The following COL23A1 variants were observed in gnomAD, a reference collection of about 807,000 sequenced individuals.
COL23A1 encodes the protein collagen alpha-1(XXIII) chain.
A neutral mutation model predicts 99.3 loss-of-function variants in COL23A1; 97 were observed. The observed-to-expected ratio is 0.98, with a 90% CI of 0.83 to 1.16. COL23A1 has a LOEUF of 1.16. Among genes scored for constraint, COL23A1 ranks in the 50% most tolerant of loss-of-function variants. The pLI is 0.00. For synonymous variants in COL23A1, 320 were observed against 308.2 expected (o/e 1.04, Z -0.40); for missense variants, 762 against 757.4 (o/e 1.01, Z -0.07).
chr5:178,516,651 A>G (rs1054982173), intron 2 of COL23A1, among the ~76,000 whole-genome samples: 1 of 152,170 alleles, frequency 6.6e-6, no homozygotes, highest in African/African-American at 2.4e-5. Flanking sequence ...ACTAGAGAAG[A>G]TGTGCATTTA....
At chr5:178,453,104 C>T (rs906556414) in intron 2 of COL23A1, among the ~76,000 whole-genome samples, 1 of 152,046 alleles carries the variant, frequency 6.6e-6, no homozygotes, top group Non-Finnish European at 1.5e-5. Flanking sequence ...TCTTTAGAGA[C>T]ACAGGGAAAG....
chr5:178,298,873 T>TA (rs1362418138), intron 3 of COL23A1, among the ~76,000 whole-genome samples: 2 of 152,244 alleles, frequency 1.3e-5, no homozygotes, highest in East Asian at 3.8e-4. Flanking sequence ...GTCAGTTTTT[T>TA]AAAATAAAGA....
chr5:178,284,123 T>C (rs1177536019), intron 5 of COL23A1, among the ~76,000 whole-genome samples: 2 of 152,220 alleles, frequency 1.3e-5, no homozygotes, highest in African/African-American at 4.8e-5. Context: ...CAACTTTTGA[T>C]CCACAATGTT....
chr5:178,249,295 A>AAGTG (rs1172593881), intron 18 of COL23A1, 89 bp from the exon 19 acceptor site: 24 of 1,271,470 alleles, frequency 1.9e-5, no homozygotes, highest in Middle Eastern at 1.9e-4. Flanking sequence ...AGTTCATGCT[A>AAGTG]GGGCCCCACT....
intron 3 of COL23A1, among the ~76,000 whole-genome samples, chr5:178,304,591 C>T (rs1253573200): frequency 6.6e-6 from 1 of 150,684 alleles, no homozygotes; most frequent in African/African-American, 2.5e-5. Flanking sequence ...CAAGGGAAGG[C>T]ATGAAAGCCA....
At chr5:178,569,999 C>T (rs1763008972) in intron 1 of COL23A1, among the ~76,000 whole-genome samples, 1 of 152,110 alleles carries the variant, frequency 6.6e-6, no homozygotes, top group African/African-American at 2.4e-5. Context: ...ATACCCTCTC[C>T]ATACTGGAGA....
intron 1 of COL23A1, among the ~76,000 whole-genome samples, chr5:178,571,897 G>A (rs546738268): frequency 2.4e-4 from 36 of 151,976 alleles, no homozygotes; most frequent in Middle Eastern, 3.4e-3. Flanking sequence ...GTGAAACCCC[G>A]TCTCTACTAA....
At chr5:178,406,498 C>T (rs1308158059) in intron 2 of COL23A1, among the ~76,000 whole-genome samples, 7 of 149,904 alleles carry the variant, frequency 4.7e-5, no homozygotes, top group Non-Finnish European at 1.0e-4. Context: ...GGCGACATCT[C>T]GGCTCACTGC....
chr5:178,315,104 C>T (rs1305405761), intron 2 of COL23A1, among the ~76,000 whole-genome samples: 7 of 152,144 alleles, frequency 4.6e-5, no homozygotes, highest in Admixed American at 6.5e-5. Flanking sequence ...CTTGTGCCAT[C>T]CAAAATGCCT....
intron 5 of COL23A1, 95 bp from the exon 6 acceptor site, chr5:178,270,458 C>T: frequency 2.0e-6 from 3 of 1,487,276 alleles, no homozygotes; most frequent in Non-Finnish European, 2.8e-6. Context: ...GACAAGAAAA[C>T]AAAGCCTGTG....
chr5:178,302,421 C>T (rs1031327938), intron 3 of COL23A1, among the ~76,000 whole-genome samples: 159 of 95,472 alleles, frequency 1.7e-3, no homozygotes, highest in African/African-American at 6.6e-3. Context: ...CCTGTGTGTG[C>T]GCCGGAGCAC....
intron 2 of COL23A1, among the ~76,000 whole-genome samples, chr5:178,551,766 G>T (rs559627730): frequency 6.6e-6 from 1 of 152,302 alleles, no homozygotes; most frequent in South Asian, 2.1e-4. Flanking sequence ...CACCCCCTCA[G>T]GGGCCCCTCT....
rs114954301 is a variant in COL23A1 at position 178,478,186 on chromosome 5, C to T, written c.361+82496G>A. The stretch of plus-strand genomic sequence containing the variant: ...GAGCATTAAAGATGAAAGCCCCTTC[C>T]GAGCTCTGTACAGGAGATTGATGTG... On this transcript the variant is annotated intron_variant, in intron 2 of 28. Transcript: ENST00000390654. Among the ~76,000 whole-genome samples, 484 of 152,308 alleles carry T rather than the reference C, an allele frequency of 3.2e-3. 3 individuals are homozygous for T. The highest frequency in any genetic ancestry group is 0.011 in the African/African-American group (450 of 41,566).
chr5:178,298,630 T>C (rs1276753006), intron 3 of COL23A1, among the ~76,000 whole-genome samples: 2 of 152,160 alleles, frequency 1.3e-5, no homozygotes, highest in Non-Finnish European at 1.5e-5. Flanking sequence ...CTGGTCCTGA[T>C]TGAGCCTCTC....
At chr5:178,257,704 C>T (rs1765385771) in intron 12 of COL23A1, 137 bp from the exon 13 acceptor site, 2 of 828,542 alleles carry the variant, frequency 2.4e-6, no homozygotes, top group African/African-American at 1.7e-5. Flanking sequence ...CTCCTCCCCA[C>T]CCTCCTTGCC....
Position 178,308,827 on chromosome 5 carries a change from C to CG in COL23A1, c.362-1909dup, listed in dbSNP as rs34368322. Among the ~76,000 whole-genome samples, 57 of 151,136 alleles carry CG rather than the reference C, an allele frequency of 3.8e-4. No homozygotes were observed. The highest frequency in any genetic ancestry group is 6.0e-4 in the Non-Finnish European group (41 of 67,850). On this transcript the variant is annotated intron_variant, in intron 2 of 28. Coordinates refer to ENST00000390654, the MANE Select transcript of COL23A1 (RefSeq NM_173465.4). The surrounding 1 kb of genome is among the most constrained non-coding windows in gnomAD (Gnocchi z 5.1). ...GGTTTGGGGGGCAGGTCAGCACTCT[C>CG]GGGGGGGGCTTTCCTCCTCTCTGGG...
At chr5:178,489,460 T>C (rs1581490127) in intron 2 of COL23A1, among the ~76,000 whole-genome samples, 1 of 152,250 alleles carries the variant, frequency 6.6e-6, no homozygotes, top group South Asian at 2.1e-4. Flanking sequence ...CAGCCTGTCA[T>C]GGGACTTTGC....
chr5:178,267,410 CAGTGCTTCATA>C, intron 7 of COL23A1, 77 bp from the exon 8 acceptor site: 1 of 1,452,298 alleles, frequency 6.9e-7, no homozygotes. Flanking sequence ...CATCTGTGCC[CAGTGCTTCATA>C]GACATGGTAT....
rs549082391 is a variant in COL23A1, at chr5:178,373,706, G to A, written c.362-66787C>T. Among the ~76,000 whole-genome samples the A allele has an allele frequency of 1.4e-3, 217 of 152,336 alleles. 2 individuals carry two copies. Among genetic ancestry groups the A allele is most frequent in the African/African-American group, 5.0e-3 (208 of 41,566 alleles). On this transcript the variant is annotated intron_variant, in intron 2 of 28. Coordinates refer to ENST00000390654, the MANE Select transcript of COL23A1 (RefSeq NM_173465.4). The stretch of plus-strand genomic sequence containing the variant: ...GCTGGGATTACAGGTGTGAGCCACC[G>A]TCCTTGGCCCTGCCGTGCACTTTAA...
Sources: gnomAD v4.1 joint callset for allele counts (sites outside exome capture counted in the v4.1 genomes callset) on GRCh38, gnomAD v4.1.1 for gene constraint, Gnocchi (gnomAD v3.1) non-coding constraint, MANE v1.5 for transcripts, NCBI Gene and HGNC (gene_info 2026-07-23, HGNC 2026-07-21) for gene names.